FYN: variants seen among roughly 807,000 people sequenced by gnomAD.
FYN encodes FYN proto-oncogene, Src family tyrosine kinase.
Under a neutral mutation model 70.2 loss-of-function variants are expected in FYN, and 10 were observed. The observed-to-expected ratio is 0.14, with a 90% CI of 0.09 to 0.24. The LOEUF is 0.24. FYN is among the 10% of genes least tolerant of loss of function. The pLI is 1.00. For missense variants in FYN, 319 were observed against 673.1 expected, an observed-to-expected ratio of 0.47 and a Z score of 5.82; for synonymous variants, 236 against 248.6, an observed-to-expected ratio of 0.95 and a Z score of 0.48.
intron 13 of FYN, among the ~76,000 whole-genome samples, chr6:111,666,794 C>A (rs1330017565): frequency 6.6e-6 from 1 of 152,190 alleles, no homozygotes; most frequent in Non-Finnish European, 1.5e-5. Context: ...AATGGTGCCA[C>A]TGCACTCCAG....
chr6:111,664,053 G>A (rs867365982), intron 13 of FYN, among the ~76,000 whole-genome samples: 5 of 152,170 alleles, frequency 3.3e-5, no homozygotes, highest in African/African-American at 1.2e-4. Flanking sequence ...AACTGATTAC[G>A]AGGCTATTTA....
chr6:111,850,402 G>A (rs751847237), intron 1 of FYN, among the ~76,000 whole-genome samples: 35 of 152,164 alleles, frequency 2.3e-4, no homozygotes, highest in African/African-American at 8.4e-4. Context: ...GATTCACATC[G>A]GAATGGCTTC....
intron 2 of FYN, among the ~76,000 whole-genome samples, chr6:111,833,440 G>A (rs1322566440): frequency 1.3e-5 from 2 of 152,154 alleles, no homozygotes; most frequent in South Asian, 2.1e-4. Context: ...ATGTAGAAAC[G>A]GCACATTTAC....
chr6:111,684,215 G>A (rs1257730373), intron 12 of FYN, among the ~76,000 whole-genome samples: 1 of 152,156 alleles, frequency 6.6e-6, no homozygotes, highest in Non-Finnish European at 1.5e-5. Context: ...GTTAGGCCAA[G>A]GAGGACAAGA....
chr6:111,705,627 T>A (rs1427617208), intron 6 of FYN, among the ~76,000 whole-genome samples: 1 of 152,176 alleles, frequency 6.6e-6, no homozygotes, highest in Non-Finnish European at 1.5e-5. Context: ...GGCAGGCAGA[T>A]CACCTGAGGT....
chr6:111,712,116 T>C (rs940257432), intron 5 of FYN, among the ~76,000 whole-genome samples: 2 of 152,144 alleles, frequency 1.3e-5, no homozygotes, highest in Non-Finnish European at 2.9e-5. Context: ...GTTTCCAGAT[T>C]AACAAAGGAA....
At chr6:111,697,372 G>C (rs1352061749) in intron 9 of FYN, among the ~76,000 whole-genome samples, 1 of 152,122 alleles carries the variant, frequency 6.6e-6, no homozygotes, top group East Asian at 1.9e-4. Context: ...TTTATAAAGG[G>C]GAAGAAATCT....
chr6:111,710,299 G>A (rs1177128175), intron 5 of FYN, among the ~76,000 whole-genome samples: 4 of 152,160 alleles, frequency 2.6e-5, no homozygotes, highest in Admixed American at 6.6e-5. Context: ...CAATAGGGGC[G>A]GGAAGCCAAT....
intron 3 of FYN, among the ~76,000 whole-genome samples, chr6:111,779,836 G>A (rs902469427): frequency 2.6e-5 from 4 of 152,304 alleles, no homozygotes; most frequent in Admixed American, 2.6e-4. Flanking sequence ...TCCTAAGAAT[G>A]ACTGGCTTTA....
At chr6:111,756,034 CAAAG>C (rs1261767842) in intron 3 of FYN, among the ~76,000 whole-genome samples, 1 of 151,634 alleles carries the variant, frequency 6.6e-6, no homozygotes, top group Non-Finnish European at 1.5e-5. Flanking sequence ...AATCAGAAAA[CAAAG>C]ATACACTAGA....
At chr6:111,850,989 A>G (rs574584723) in intron 1 of FYN, among the ~76,000 whole-genome samples, 3 of 152,344 alleles carry the variant, frequency 2.0e-5, no homozygotes, top group South Asian at 2.1e-4. Context: ...TGCTCCACAC[A>G]CAAACCTTCT....
intron 3 of FYN, among the ~76,000 whole-genome samples, chr6:111,726,078 C>T (rs184816358): frequency 2.5e-4 from 38 of 152,314 alleles, no homozygotes; most frequent in Non-Finnish European, 2.5e-4. Flanking sequence ...GAGAACAGCT[C>T]GGTCAAGAAC....
rs188968884 is a variant in FYN, at chr6:111,864,258, C to T, written c.-123+8710G>A. Reference sequence around the variant, plus strand: ...GTTTACAATCTCATTAAAGAGATGGCGCAAATTTAGTGTGAAGAACATAGA... The same window carrying T: ...GTTTACAATCTCATTAAAGAGATGGTGCAAATTTAGTGTGAAGAACATAGA... On this transcript the variant is annotated intron_variant, in intron 1 of 13. Transcript: ENST00000354650. Among the ~76,000 whole-genome samples, 64 of 152,248 alleles carry T rather than the reference C, an allele frequency of 4.2e-4. No homozygotes were observed. In the East Asian group the frequency reaches 0.011, roughly 26 times the overall value.
intron 4 of FYN, among the ~76,000 whole-genome samples, chr6:111,718,377 A>T (rs760031335): frequency 7.2e-5 from 11 of 152,220 alleles, no homozygotes; most frequent in African/African-American, 1.4e-4. Context: ...TTTAACTTTC[A>T]AATTTTATAA....
At chr6:111,747,177 T>TG (rs955815014) in intron 3 of FYN, among the ~76,000 whole-genome samples, 1 of 152,204 alleles carries the variant, frequency 6.6e-6, no homozygotes, top group African/African-American at 2.4e-5. Flanking sequence ...TGAAAGGAAG[T>TG]GGCTCAAAAG....
At chr6:111,848,444 CG>C (rs1020661172) in intron 1 of FYN, among the ~76,000 whole-genome samples, 5 of 152,218 alleles carry the variant, frequency 3.3e-5, no homozygotes, top group African/African-American at 1.2e-4. Flanking sequence ...AATAGGAAAA[CG>C]GAAAACCCAT....
chr6:111,783,789 T>A (rs1313640908), intron 2 of FYN, among the ~76,000 whole-genome samples: 3 of 152,194 alleles, frequency 2.0e-5, no homozygotes, highest in Admixed American at 6.5e-5. Flanking sequence ...CACGCCCAGC[T>A]GGGAGTGGGG....
chr6:111,743,831 C>T (rs957676284), intron 3 of FYN, among the ~76,000 whole-genome samples: 1 of 152,182 alleles, frequency 6.6e-6, no homozygotes, highest in Non-Finnish European at 1.5e-5. Context: ...GGACCACATT[C>T]ACGGCCCCTC....
intron 1 of FYN, among the ~76,000 whole-genome samples, chr6:111,855,354 T>A (rs2114503979): frequency 6.6e-6 from 1 of 152,264 alleles, no homozygotes; most frequent in African/African-American, 2.4e-5. Flanking sequence ...ACAAATTTTG[T>A]GATGCTAAAA....
Sources: allele counts gnomAD v4.1 joint callset (sites outside exome capture counted in the v4.1 genomes callset), GRCh38; gene constraint gnomAD v4.1.1; transcripts MANE v1.5; gene names NCBI Gene and HGNC (gene_info 2026-07-23, HGNC 2026-07-21).